TRIT1: variants seen among roughly 807,000 people sequenced by gnomAD.
The protein encoded by TRIT1 is tRNA isopentenyltransferase 1.
Under a neutral mutation model 51.2 loss-of-function variants are expected in TRIT1, and 43 were observed. The ratio of observed to expected loss-of-function variants is 0.84; its 90% CI spans 0.66 to 1.08. TRIT1 has a LOEUF of 1.08. Ranked by LOEUF, TRIT1 falls within the 50% of genes least tolerant of loss-of-function variation. TRIT1 has a pLI of 0.00. For missense variants in TRIT1, 528 were observed against 578.4 expected, an observed-to-expected ratio of 0.91 and a Z score of 0.89; for synonymous variants, 184 against 203.9, an observed-to-expected ratio of 0.90 and a Z score of 0.83.
intron 1 of TRIT1, among the ~76,000 whole-genome samples, chr1:39,865,944 GAAAGA>G (rs947610384): frequency 7.5e-6 from 1 of 132,876 alleles, no homozygotes; most frequent in African/African-American, 2.8e-5. Flanking sequence ...AAAGGAAAAA[GAAAGA>G]AAAGAAGAAA....
In TRIT1 at chr1:39,852,716, G is replaced by A. The variant is rs1335284694; in HGVS notation, c.560+15C>T. ...TTGTAAAGGAATTTGGGGTCAGCGC[G>A]CCAGGCTTTCTTACCTGGCCACTTT... On this transcript the variant is annotated intron_variant, in intron 4 of 10. Transcript: ENST00000316891. 17 of 1,611,944 alleles carry A rather than the reference G, an allele frequency of 1.1e-5. No homozygotes were observed. Among genetic ancestry groups the A allele is most frequent in the Admixed American group, 1.7e-5 (1 of 59,522 alleles).
chr1:39,844,438 G>C, intron 9 of TRIT1, 93 bp downstream of exon 9: 1 of 1,060,468 alleles, frequency 9.4e-7, no homozygotes, highest in Non-Finnish European at 1.4e-6. Context: ...CTATGGAAAA[G>C]AAGGCCTGGT....
chr1:39,848,994 T>C (rs1005258599), intron 5 of TRIT1, among the ~76,000 whole-genome samples: 1 of 152,176 alleles, frequency 6.6e-6, no homozygotes, highest in African/African-American at 2.4e-5. Context: ...AATTTCATTA[T>C]TGAAAAATTA....
At position 39,883,391 on chromosome 1, in the gene TRIT1, G is replaced by A; in HGVS notation, c.101C>T (p.Thr34Ile). 1 of 1,613,658 alleles carries A rather than the reference G, an allele frequency of 6.2e-7. No homozygotes were observed. Among genetic ancestry groups the A allele is most frequent in the Non-Finnish European group, 8.5e-7 (1 of 1,179,918 alleles). ...CTGCAACGCCAGCGTGGATTTGCCGGTGCCCGTGGCCCCGAGAATCACTAC... is the reference window on the plus strand; with the variant it reads ...CTGCAACGCCAGCGTGGATTTGCCGATGCCCGTGGCCCCGAGAATCACTAC... Reference protein sequence around the residue: ...PLVVILGATGTGKSTLALQLG... With the variant: ...PLVVILGATGIGKSTLALQLG... The change falls in exon 1 of 11, where the codon ACC (threonine) becomes ATC (isoleucine). Residue 34 changes from threonine to isoleucine, a missense_variant. Physicochemically the swap from Thr to Ile is moderately conservative, Grantham distance 89 (BLOSUM62 -1). Coordinates refer to ENST00000316891, the MANE Select transcript of TRIT1 (RefSeq NM_017646.6).
At chr1:39,872,871 GAAAAGGAAGA>G (rs1285638065) in intron 1 of TRIT1, among the ~76,000 whole-genome samples, 1 of 151,074 alleles carries the variant, frequency 6.6e-6, no homozygotes, top group Non-Finnish European at 1.5e-5. Context: ...GAAAAGGAAG[GAAAAGGAAGA>G]AAGGAAGAAA....
At chr1:39,879,012 G>A (rs904558978) in intron 1 of TRIT1, among the ~76,000 whole-genome samples, 7 of 152,212 alleles carry the variant, frequency 4.6e-5, no homozygotes, top group African/African-American at 1.7e-4. Context: ...GCTCATGCCT[G>A]TAATCTCAGC....
chr1:39,860,450 T>C (rs1427696043), intron 1 of TRIT1, among the ~76,000 whole-genome samples: 3 of 152,212 alleles, frequency 2.0e-5, no homozygotes, highest in Non-Finnish European at 4.4e-5. Flanking sequence ...CTGGAGTATT[T>C]TGGATTTTAG....
chr1:39,851,352 A>C (rs1251422182), intron 4 of TRIT1, among the ~76,000 whole-genome samples: 2 of 152,210 alleles, frequency 1.3e-5, no homozygotes, highest in African/African-American at 4.8e-5. Context: ...CAGCAAAATG[A>C]GAAGTGATAA....
At chr1:39,846,335 C>T (rs1642222807) in intron 8 of TRIT1, among the ~76,000 whole-genome samples, 1 of 152,152 alleles carries the variant, frequency 6.6e-6, no homozygotes, top group Non-Finnish European at 1.5e-5. Context: ...CAGAAGTCTA[C>T]CAGCAAAAGG....
At chr1:39,848,199 C>A in intron 5 of TRIT1, 102 bp from the exon 6 acceptor site, 1 of 795,018 alleles carries the variant, frequency 1.3e-6, no homozygotes. Context: ...AGAATTTGTC[C>A]AAACGGAAGA....
chr1:39,873,484 C>A (rs1292586497), intron 1 of TRIT1, among the ~76,000 whole-genome samples: 1 of 152,056 alleles, frequency 6.6e-6, no homozygotes, highest in Non-Finnish European at 1.5e-5. Flanking sequence ...GATTGGAGGA[C>A]ACTAAAGATA....
chr1:39,883,492 C>T lies in TRIT1; in HGVS notation c.-1G>A, dbSNP rs1404390616. The T allele has an allele frequency of 1.3e-6, 2 of 1,590,954 alleles. No homozygotes were observed. Among genetic ancestry groups the T allele is most frequent in the African/African-American group, 2.7e-5 (2 of 74,416 alleles). ...CTCGTGCAGCCGCCACGGACGCCAT[C>T]TTATGGCAGTCTGCGCTTGCGCCGG... On this transcript the variant is annotated 5_prime_UTR_variant, in exon 1 of 11. Transcript: ENST00000316891.
At chr1:39,870,958 C>G (rs61781265) in intron 1 of TRIT1, among the ~76,000 whole-genome samples, 4,181 of 152,254 alleles carry the variant, frequency 0.027, 164 homozygotes, top group East Asian at 0.18. Context: ...CTTTAGGAGG[C>G]TGAGGAGGGC....
In TRIT1 at chr1:39,841,813, G is replaced by A. The variant is rs779237304; in HGVS notation, c.1335C>T (p.Asp445=). The A allele has an allele frequency of 1.2e-6, 2 of 1,613,824 alleles. No individual in the cohort carries two copies. The highest frequency in any genetic ancestry group is 2.7e-5 in the African/African-American group (2 of 74,870). Residue 445 remains aspartate (D), a synonymous_variant, in exon 11 of 11, where the codon GAC becomes GAT. Transcript: ENST00000316891. The part of the protein sequence containing the change: ...NTIESQSVSP[D]HNKEPKEKGS... The stretch of plus-strand genomic sequence containing the variant: ...CCTTCTCTTTAGGTTCTTTGTTATG[G>A]TCTGGGGAAACACTCTGACTTTCTA...
intron 1 of TRIT1, among the ~76,000 whole-genome samples, chr1:39,865,174 T>C (rs1643466670): frequency 6.6e-6 from 1 of 152,216 alleles, no homozygotes; most frequent in African/African-American, 2.4e-5. Flanking sequence ...TCTGATACTA[T>C]TGAGCTCTCT....
chr1:39,843,150 A>G (rs566973840), intron 10 of TRIT1, among the ~76,000 whole-genome samples: 1 of 152,352 alleles, frequency 6.6e-6, no homozygotes, highest in African/African-American at 2.4e-5. Flanking sequence ...AGCCGTCCCC[A>G]GTCTCTGACA....
intron 1 of TRIT1, among the ~76,000 whole-genome samples, chr1:39,873,280 T>C (rs999626080): frequency 2.6e-5 from 4 of 152,230 alleles, no homozygotes; most frequent in African/African-American, 9.6e-5. Flanking sequence ...TAATACTATG[T>C]TGATATCATA....
At chr1:39,865,878 A>G (rs1209244537) in intron 1 of TRIT1, among the ~76,000 whole-genome samples, 1 of 150,662 alleles carries the variant, frequency 6.6e-6, no homozygotes, top group East Asian at 1.9e-4. Flanking sequence ...AAAGGAAAGA[A>G]GAGAGTGATA....
At chr1:39,869,713 CCA>C (rs1643772240) in intron 1 of TRIT1, among the ~76,000 whole-genome samples, 1 of 151,900 alleles carries the variant, frequency 6.6e-6, no homozygotes, top group African/African-American at 2.4e-5. Context: ...CTCTGCCCAG[CCA>C]CGACCCCATC....
Sources: allele counts gnomAD v4.1 joint callset (sites outside exome capture counted in the v4.1 genomes callset), GRCh38; gene constraint gnomAD v4.1.1; transcripts MANE v1.5; gene names NCBI Gene and HGNC (gene_info 2026-07-23, HGNC 2026-07-21).